The following LIMS1 variants were observed in gnomAD, a reference collection of about 807,000 sequenced individuals.
The protein encoded by LIMS1 is LIM and senescent cell antigen-like-containing domain protein 1.
Under a neutral mutation model 44.1 loss-of-function variants are expected in LIMS1, and 18 were observed. That is an observed-to-expected ratio of 0.41 (90% CI 0.28 to 0.61). The LOEUF is 0.61. Ranked by LOEUF, LIMS1 falls within the 20% of genes least tolerant of loss-of-function variation. LIMS1 has a pLI of 0.32. For synonymous variants in LIMS1, 93 were observed against 149.1 expected (o/e 0.62, Z 2.74); for missense variants, 201 against 422.0 (o/e 0.48, Z 4.59).
chr2:108,643,827 TG>T (rs931141696), intron 1 of LIMS1, among the ~76,000 whole-genome samples: 16 of 152,178 alleles, frequency 1.1e-4, no homozygotes, highest in Non-Finnish European at 1.9e-4. Context: ...CCAGCTTGGT[TG>T]GGGAAGGGGC....
intron 2 of LIMS1, chr2:108,662,842 T>C: frequency 2.6e-6 from 2 of 757,798 alleles, no homozygotes; most frequent in Non-Finnish European, 3.2e-6. Flanking sequence ...CAGAACAACT[T>C]CCTTCCCTGA....
At chr2:108,554,204 C>T (rs1466364298) in intron 1 of LIMS1, among the ~76,000 whole-genome samples, 3 of 152,154 alleles carry the variant, frequency 2.0e-5, no homozygotes, top group South Asian at 2.1e-4. Context: ...GGAGGAATGA[C>T]ACCTCTTGGT....
intron 8 of LIMS1, among the ~76,000 whole-genome samples, chr2:108,679,572 C>T (rs1329990587): frequency 6.6e-6 from 1 of 152,098 alleles, no homozygotes; most frequent in African/African-American, 2.4e-5. Flanking sequence ...TTGGTATCCT[C>T]ACAGCATCCT....
At chr2:108,670,675 T>C (rs1692105581) in intron 2 of LIMS1, 106 bp from the exon 3 acceptor site, 3 of 715,426 alleles carry the variant, frequency 4.2e-6, no homozygotes, top group Admixed American at 2.7e-5. Flanking sequence ...ATTCTTAGAG[T>C]AGAACTCTTA....
At chr2:108,568,750 TTG>T (rs1685381841) in intron 1 of LIMS1, among the ~76,000 whole-genome samples, 1 of 152,228 alleles carries the variant, frequency 6.6e-6, no homozygotes, top group South Asian at 2.1e-4. Flanking sequence ...TGATGTTTCA[TTG>T]TGATTTTGAT....
In LIMS1 at chr2:108,537,911, C is replaced by T. The variant is rs369134605; in HGVS notation, c.32+3317C>T. 5.9e-5 allele frequency among the ~76,000 whole-genome samples: 9 copies of T among 152,130 alleles called. No homozygotes were observed. The South Asian group carries it at 6.2e-4, about 11-fold the overall frequency. On this transcript the variant is annotated intron_variant, in intron 1 of 9. Transcript: ENST00000544547. ...TGCAGCAGATCAGTAACAGGAGAGC[C>T]GAGCTTTACTCTGAAAGCCTCTATT...
chr2:108,623,432 A>C (rs939829552), intron 1 of LIMS1, among the ~76,000 whole-genome samples: 2 of 152,138 alleles, frequency 1.3e-5, no homozygotes, highest in Admixed American at 1.3e-4. Flanking sequence ...AAGGATAAAA[A>C]TAACTACTAT....
chr2:108,668,184 A>T (rs936540615), intron 2 of LIMS1, among the ~76,000 whole-genome samples: 4 of 152,226 alleles, frequency 2.6e-5, no homozygotes, highest in Non-Finnish European at 5.9e-5. Context: ...TTGTACATTT[A>T]TAATTTCTTT....
At chr2:108,652,841 T>C (rs1690591684) in intron 1 of LIMS1, among the ~76,000 whole-genome samples, 2 of 152,176 alleles carry the variant, frequency 1.3e-5, no homozygotes, top group African/African-American at 4.8e-5. Context: ...TCAGCCTGCC[T>C]CTGTCCCCAT....
intron 1 of LIMS1, among the ~76,000 whole-genome samples, chr2:108,542,877 C>T (rs1978839): frequency 0.63 from 95,188 of 152,170 alleles, 30,368 homozygotes; most frequent in East Asian, 0.96. Context: ...ATTCAGTTCT[C>T]TACCCAAATT....
chr2:108,684,284 A>C (rs1240616155), exon 10 of LIMS1: 3 of 167,520 alleles, frequency 1.8e-5, no homozygotes, highest in Admixed American at 6.4e-5. Context: ...TAAGGCCCCC[A>C]AAAATTAAAT....
At chr2:108,602,812 G>A (rs1478723625) in intron 1 of LIMS1, among the ~76,000 whole-genome samples, 5 of 152,116 alleles carry the variant, frequency 3.3e-5, no homozygotes, top group Admixed American at 2.0e-4. Flanking sequence ...TGTCACCCAG[G>A]CTGGAGTGAG....
intron 1 of LIMS1, among the ~76,000 whole-genome samples, chr2:108,547,817 G>A (rs1467329784): frequency 6.6e-6 from 1 of 152,150 alleles, no homozygotes; most frequent in Non-Finnish European, 1.5e-5. Context: ...ATTGCTGTCA[G>A]AATACTTCTT....
At chr2:108,584,459 C>G (rs1464662556) in intron 1 of LIMS1, among the ~76,000 whole-genome samples, 1 of 151,884 alleles carries the variant, frequency 6.6e-6, no homozygotes, top group Non-Finnish European at 1.5e-5. Flanking sequence ...CAGTGCCCCT[C>G]CTATAGGCCT....
intron 1 of LIMS1, among the ~76,000 whole-genome samples, chr2:108,555,614 G>A (rs903144392): frequency 2.6e-5 from 4 of 152,202 alleles, no homozygotes; most frequent in Non-Finnish European, 5.9e-5. Context: ...GGTGCTCCTA[G>A]GCTTTTCTCC....
chr2:108,550,534 G>A (rs1460495609), intron 1 of LIMS1, among the ~76,000 whole-genome samples: 1 of 150,664 alleles, frequency 6.6e-6, no homozygotes, highest in South Asian at 2.1e-4. Flanking sequence ...AATAAATAAA[G>A]CCCAGGCACG....
intron 1 of LIMS1, among the ~76,000 whole-genome samples, chr2:108,558,554 C>T (rs1685006806): frequency 6.6e-6 from 1 of 151,982 alleles, no homozygotes; most frequent in Admixed American, 6.6e-5. Context: ...GTTGCACTGG[C>T]ATTTCTCGTC....
intron 1 of LIMS1, among the ~76,000 whole-genome samples, chr2:108,570,866 G>C (rs1685457699): frequency 6.6e-6 from 1 of 152,218 alleles, no homozygotes; most frequent in Non-Finnish European, 1.5e-5. Context: ...CATCCCCTAA[G>C]TGTTAGCCGT....
At chr2:108,650,073 A>C (rs901303072) in intron 1 of LIMS1, among the ~76,000 whole-genome samples, 2 of 150,900 alleles carry the variant, frequency 1.3e-5, no homozygotes, top group African/African-American at 4.8e-5. Flanking sequence ...CAGACCTGCT[A>C]TTCAGACGAA....
Sources: allele counts gnomAD v4.1 joint callset (sites outside exome capture counted in the v4.1 genomes callset), GRCh38; gene constraint gnomAD v4.1.1; transcripts MANE v1.5; gene names NCBI Gene and HGNC (gene_info 2026-07-23, HGNC 2026-07-21).